Variants in RNF180 observed in about 807,000 individuals in gnomAD.
RNF180 encodes the protein E3 ubiquitin-protein ligase RNF180.
RNF180 carries 38 observed loss-of-function variants against 59.2 expected under a neutral mutation model. The observed-to-expected ratio is 0.64, with a 90% confidence interval of 0.50 to 0.84. The LOEUF (loss-of-function observed/expected upper bound fraction) is 0.84. RNF180 is among the 40% of genes least tolerant of loss of function. RNF180 has a pLI of 0.00. For missense variants in RNF180, 705 were observed against 700.9 expected (o/e 1.01, Z -0.07); for synonymous variants, 262 against 240.3 (o/e 1.09, Z -0.84).
intron 5 of RNF180, among the ~76,000 whole-genome samples, chr5:64,278,865 C>A (rs1741859872): frequency 6.6e-6 from 1 of 152,090 alleles, no homozygotes; most frequent in African/African-American, 2.4e-5. Flanking sequence ...AACTGTCTTC[C>A]TGCCTTGACC....
chr5:64,215,950 T>A (rs1314593965), intron 4 of RNF180, among the ~76,000 whole-genome samples: 3 of 152,150 alleles, frequency 2.0e-5, no homozygotes, highest in Admixed American at 2.0e-4. Flanking sequence ...GGAATACTCT[T>A]ATACACAGTT....
intron 5 of RNF180, among the ~76,000 whole-genome samples, chr5:64,305,983 T>G (rs1270172141): frequency 6.6e-6 from 1 of 151,648 alleles, no homozygotes. Context: ...ACAAAATAAG[T>G]CAGATAGCCT....
chr5:64,225,533 TG>T (rs1741652296), intron 5 of RNF180, among the ~76,000 whole-genome samples: 1 of 129,192 alleles, frequency 7.7e-6, no homozygotes, highest in South Asian at 2.6e-4. Flanking sequence ...GCCCTTCGTC[TG>T]GGAGGTGAGG....
chr5:64,357,410 T>C (rs1158863176), intron 7 of RNF180, among the ~76,000 whole-genome samples: 1 of 151,876 alleles, frequency 6.6e-6, no homozygotes, highest in Non-Finnish European at 1.5e-5. Flanking sequence ...CGTCCCATCA[T>C]ATTTGAAAGA....
intron 5 of RNF180, among the ~76,000 whole-genome samples, chr5:64,263,068 A>G (rs895155620): frequency 2.0e-5 from 3 of 152,216 alleles, no homozygotes; most frequent in Non-Finnish European, 2.9e-5. Context: ...TAAAACTTCT[A>G]TCTCTGTGAT....
chr5:64,350,449 T>C (rs1372424334), intron 7 of RNF180, among the ~76,000 whole-genome samples: 1 of 152,186 alleles, frequency 6.6e-6, no homozygotes, highest in African/African-American at 2.4e-5. Flanking sequence ...TTTGTTGCCA[T>C]TGCTTTTGGT....
intron 5 of RNF180, among the ~76,000 whole-genome samples, chr5:64,251,020 G>C (rs1179846437): frequency 6.6e-6 from 1 of 152,052 alleles, no homozygotes; most frequent in African/African-American, 2.4e-5. Flanking sequence ...ATGATCAAAT[G>C]GTATTCATCC....
At chr5:64,241,985 A>G (rs1742836463) in intron 5 of RNF180, among the ~76,000 whole-genome samples, 1 of 152,112 alleles carries the variant, frequency 6.6e-6, no homozygotes, top group Non-Finnish European at 1.5e-5. Context: ...TCAAGCTTAC[A>G]TGGTTGACTT....
At chr5:64,242,823 G>A (rs993704263) in intron 5 of RNF180, among the ~76,000 whole-genome samples, 6 of 152,134 alleles carry the variant, frequency 3.9e-5, no homozygotes, top group African/African-American at 9.7e-5. Context: ...GAACAGCTCC[G>A]GTCTGCAGCT....
intron 7 of RNF180, among the ~76,000 whole-genome samples, chr5:64,355,912 A>C (rs1013820759): frequency 6.6e-6 from 1 of 151,938 alleles, no homozygotes; most frequent in Non-Finnish European, 1.5e-5. Flanking sequence ...TTTAAAAAAC[A>C]TAAATCTTGT....
chr5:64,281,768 T>G lies in RNF180; in HGVS notation c.1228-43418T>G, dbSNP rs1414299188. On this transcript the variant is annotated intron_variant, in intron 5 of 7. Coordinates refer to ENST00000389100, the MANE Select transcript of RNF180 (RefSeq NM_001113561.2). ...GCCTTGGCATCGCAAAGTGCTGGGA[T>G]TACAGGTCTAAGCCACCGTGCCTCG... Among the ~76,000 whole-genome samples, 7 of 152,284 alleles carry G rather than the reference T, an allele frequency of 4.6e-5. No homozygotes were observed. In the East Asian group the frequency reaches 1.4e-3, roughly 29 times the overall value.
intron 7 of RNF180, among the ~76,000 whole-genome samples, chr5:64,345,103 A>G (rs1410190207): frequency 6.6e-6 from 1 of 152,188 alleles, no homozygotes; most frequent in Non-Finnish European, 1.5e-5. Flanking sequence ...AAAAATGTAT[A>G]GCCCCTAAAG....
intron 5 of RNF180, among the ~76,000 whole-genome samples, chr5:64,254,721 C>T (rs1038990893): frequency 2.6e-5 from 4 of 152,106 alleles, no homozygotes; most frequent in African/African-American, 9.6e-5. Context: ...ATAGAGTAGG[C>T]GAAGCTTATT....
intron 5 of RNF180, among the ~76,000 whole-genome samples, chr5:64,270,203 C>T (rs1356387876): frequency 2.0e-5 from 3 of 150,502 alleles, no homozygotes; most frequent in Non-Finnish European, 4.4e-5. Context: ...AGGAGACTAC[C>T]GTAATTGATA....
At chr5:64,194,991 C>T (rs1050975122) in intron 1 of RNF180, among the ~76,000 whole-genome samples, 2 of 151,978 alleles carry the variant, frequency 1.3e-5, no homozygotes. Context: ...TGTAAAATAC[C>T]AGTACCCAGA....
At chr5:64,177,952 T>G (rs1750348232) in intron 1 of RNF180, among the ~76,000 whole-genome samples, 1 of 152,032 alleles carries the variant, frequency 6.6e-6, no homozygotes, top group Non-Finnish European at 1.5e-5. Flanking sequence ...ACGCCTGTAA[T>G]CCCAGCACTT....
Position 64,330,301 on chromosome 5 carries a change from ACTTT to A in RNF180, c.1479_1482del (p.Phe493LeufsTer6). The A allele has an allele frequency of 6.7e-7, 1 of 1,500,394 alleles. No individual in the cohort carries two copies. The highest frequency in any genetic ancestry group is 9.0e-7 in the Non-Finnish European group (1 of 1,109,094). The allele number at this position is 1,500,394 out of a possible 1,614,324, so 92.9% of individuals were successfully genotyped here. On this transcript the variant is annotated frameshift_variant, in exon 7 of 8. Coordinates refer to ENST00000389100, the MANE Select transcript of RNF180 (RefSeq NM_001113561.2). LOFTEE classifies it high-confidence loss of function. ...TCTAGAATTGAACAATGCCACAAAA[ACTTT>A]CTTTACTAAAGAATATTTGAAAATA...
chr5:64,209,277 T>A (rs772382367), intron 2 of RNF180, among the ~76,000 whole-genome samples: 4 of 152,054 alleles, frequency 2.6e-5, no homozygotes, highest in Non-Finnish European at 5.9e-5. Context: ...CTCCAGTGTT[T>A]ATTCTCATAG....
chr5:64,225,063 G>C (rs1035391843), intron 5 of RNF180, among the ~76,000 whole-genome samples: 3 of 152,118 alleles, frequency 2.0e-5, no homozygotes, highest in African/African-American at 7.2e-5. Flanking sequence ...AACCCAAAAG[G>C]AATAAGATGC....
Sources: allele counts gnomAD v4.1 joint callset (sites outside exome capture counted in the v4.1 genomes callset), GRCh38; gene constraint gnomAD v4.1.1; transcripts MANE v1.5; gene names NCBI Gene and HGNC (gene_info 2026-07-23, HGNC 2026-07-21).